KIF16B: variants seen among roughly 807,000 people sequenced by gnomAD.
The protein encoded by KIF16B is kinesin-like protein KIF16B.
In KIF16B, 98 loss-of-function variants were observed where a neutral mutation model predicts 156.3. That is an observed-to-expected ratio of 0.63 (90% CI 0.53 to 0.74). The LOEUF is 0.74. Among genes scored for constraint, KIF16B ranks in the 30% least tolerant of loss-of-function variants. KIF16B has a pLI of 0.00. For synonymous variants in KIF16B, 564 were observed against 583.7 expected, an observed-to-expected ratio of 0.97 and a Z score of 0.49; for missense variants, 1,421 against 1,606.5, an observed-to-expected ratio of 0.88 and a Z score of 1.97.
chr20:16,530,382 C>T (rs1442117126), intron 1 of KIF16B, among the ~76,000 whole-genome samples: 5 of 152,210 alleles, frequency 3.3e-5, no homozygotes, highest in Admixed American at 6.5e-5. Context: ...AAGACTGTGA[C>T]TTCTGTCTTG....
At chr20:16,573,106 C>T (rs1367746703) in intron 1 of KIF16B, 123 bp downstream of exon 1, 3 of 922,986 alleles carry the variant, frequency 3.3e-6, no homozygotes, top group Non-Finnish European at 5.0e-6. Flanking sequence ...ACAGCCTGGG[C>T]CCGGTGGGCC....
chr20:16,465,249 C>T (rs2067458413), intron 12 of KIF16B, among the ~76,000 whole-genome samples: 1 of 152,140 alleles, frequency 6.6e-6, no homozygotes, highest in East Asian at 1.9e-4. Context: ...AAAAACAAAC[C>T]AATTCCACAG....
rs113887018 is a variant in KIF16B, at chr20:16,557,156, T to TACACACACACAC, written c.47+16072_47+16073insGTGTGTGTGTGT. 4.9e-3 allele frequency among the ~76,000 whole-genome samples: 584 copies of TACACACACACAC among 119,806 alleles called. 3 individuals are homozygous for TACACACACACAC. The highest frequency in any genetic ancestry group is 0.018 in the African/African-American group (537 of 30,342). 78.6% of individuals were successfully genotyped at this position (119,806 alleles called of 152,430 possible). ...ACTATATATATTAATACTATATATA[T>TACACACACACAC]ATACACACACACACACATACTAATA... On this transcript the variant is annotated intron_variant, in intron 1 of 25. Coordinates refer to ENST00000354981, the MANE Select transcript of KIF16B (RefSeq NM_024704.5).
intron 1 of KIF16B, among the ~76,000 whole-genome samples, chr20:16,547,718 T>A (rs957674892): frequency 6.6e-6 from 1 of 152,066 alleles, no homozygotes; most frequent in Admixed American, 6.6e-5. Flanking sequence ...CAGGAAGAAA[T>A]AGCAACACTC....
Position 16,432,255 on chromosome 20 carries a change from C to A in KIF16B, c.1303-2273G>T, listed in dbSNP as rs569968247. ...GAGGTTGGGCTGAACCAGGTTCAGA[C>A]TAAATCATGTACAAGAGCATGACAT... On this transcript the variant is annotated intron_variant, in intron 12 of 25. Transcript: ENST00000354981. Among the ~76,000 whole-genome samples, 11 of 152,210 alleles carry A rather than the reference C, an allele frequency of 7.2e-5. No individual in the cohort carries two copies. In the South Asian group the frequency reaches 1.7e-3, roughly 23 times the overall value.
chr20:16,327,011 A>G (rs2063863370), intron 24 of KIF16B, among the ~76,000 whole-genome samples: 1 of 147,906 alleles, frequency 6.8e-6, no homozygotes, highest in African/African-American at 2.5e-5. Flanking sequence ...GTGTATGCAT[A>G]TATGTGTGTG....
intron 25 of KIF16B, among the ~76,000 whole-genome samples, chr20:16,303,447 T>C (rs897384919): frequency 1.3e-5 from 2 of 152,260 alleles, no homozygotes; most frequent in African/African-American, 4.8e-5. Flanking sequence ...TGTTTTGCAC[T>C]GAGAATAATG....
intron 15 of KIF16B, among the ~76,000 whole-genome samples, chr20:16,417,308 C>T (rs564647076): frequency 1.1e-4 from 17 of 152,104 alleles, no homozygotes; most frequent in Non-Finnish European, 2.4e-4. Context: ...CCAGCCTGGC[C>T]AACGGGTAGT....
At chr20:16,472,750 G>A (rs1187818479) in intron 12 of KIF16B, among the ~76,000 whole-genome samples, 2 of 152,024 alleles carry the variant, frequency 1.3e-5, no homozygotes, top group African/African-American at 2.4e-5. Flanking sequence ...TCGGCTGACT[G>A]ACCGCCTGCC....
At chr20:16,487,789 A>C (rs990486132) in intron 12 of KIF16B, among the ~76,000 whole-genome samples, 2 of 152,150 alleles carry the variant, frequency 1.3e-5, no homozygotes, top group Non-Finnish European at 2.9e-5. Flanking sequence ...ACTCCCCCAG[A>C]GAAGGAATAT....
At chr20:16,549,489 C>T (rs1325318840) in intron 1 of KIF16B, among the ~76,000 whole-genome samples, 4 of 151,460 alleles carry the variant, frequency 2.6e-5, no homozygotes, top group Admixed American at 6.6e-5. Context: ...TGAATAATGC[C>T]GCAATAAACA....
At chr20:16,341,640 A>G in intron 23 of KIF16B, among the ~76,000 whole-genome samples, 1 of 152,270 alleles carries the variant, frequency 6.6e-6, no homozygotes, top group East Asian at 1.9e-4. Context: ...ACCAGTGGTT[A>G]GCAGCATCAG....
intron 12 of KIF16B, among the ~76,000 whole-genome samples, chr20:16,489,995 C>T (rs1208812166): frequency 6.6e-6 from 1 of 151,880 alleles, no homozygotes; most frequent in Non-Finnish European, 1.5e-5. Flanking sequence ...AAAAACATAG[C>T]GAAGAGCATC....
chr20:16,544,627 A>AAC (rs1417879698), intron 1 of KIF16B, among the ~76,000 whole-genome samples: 1 of 151,238 alleles, frequency 6.6e-6, no homozygotes, highest in African/African-American at 2.4e-5. Flanking sequence ...AAAAAAAAAA[A>AAC]AAAACTTCCT....
At chr20:16,472,625 T>C (rs1366252869) in intron 12 of KIF16B, among the ~76,000 whole-genome samples, 1 of 151,454 alleles carries the variant, frequency 6.6e-6, no homozygotes, top group East Asian at 1.9e-4. Context: ...CCACACACCC[T>C]GTGGAAACAC....
At chr20:16,540,521 G>A (rs1027126397) in intron 1 of KIF16B, among the ~76,000 whole-genome samples, 1 of 152,160 alleles carries the variant, frequency 6.6e-6, no homozygotes, top group Non-Finnish European at 1.5e-5. Context: ...CTCTTCTCCT[G>A]ATGACATGGC....
At chr20:16,520,291 G>A (rs753778584) in intron 3 of KIF16B, among the ~76,000 whole-genome samples, 6 of 152,076 alleles carry the variant, frequency 3.9e-5, no homozygotes, top group Non-Finnish European at 5.9e-5. Flanking sequence ...TGAAATTCTC[G>A]CTGCCAGCAA....
Position 16,396,845 on chromosome 20 carries a change from G to A in KIF16B, c.1784+7968C>T, listed in dbSNP as rs373671264. Among the ~76,000 whole-genome samples, 4 of 152,084 alleles carry A rather than the reference G, an allele frequency of 2.6e-5. No individual in the cohort carries two copies. The South Asian group carries it at 6.2e-4, about 24-fold the overall frequency. The stretch of plus-strand genomic sequence containing the variant: ...GCTAACCAAACCCCCTCAGGCTGCT[G>A]CACTCCTTGGGATGATGCTCCTTCA... On this transcript the variant is annotated intron_variant, in intron 17 of 25. Coordinates refer to ENST00000354981, the MANE Select transcript of KIF16B (RefSeq NM_024704.5).
At chr20:16,288,245 C>T (rs1339562720) in intron 25 of KIF16B, among the ~76,000 whole-genome samples, 1 of 152,158 alleles carries the variant, frequency 6.6e-6, no homozygotes, top group Non-Finnish European at 1.5e-5. Flanking sequence ...TGAAGTAAGC[C>T]CCTTAACTCC....
Sources: gnomAD v4.1 joint callset for allele counts (sites outside exome capture counted in the v4.1 genomes callset) on GRCh38, gnomAD v4.1.1 for gene constraint, MANE v1.5 for transcripts, NCBI Gene and HGNC (gene_info 2026-07-23, HGNC 2026-07-21) for gene names.